Variants in NSUN4 observed in about 807,000 individuals in gnomAD.
NSUN4 encodes the protein NOP2/Sun RNA methyltransferase 4, also known as 5-cytosine rRNA methyltransferase NSUN4.
In NSUN4, 31 loss-of-function variants were observed where a neutral mutation model predicts 43.8. The observed-to-expected ratio is 0.71, with a 90% CI of 0.53 to 0.96. NSUN4 has a LOEUF of 0.96. NSUN4 is among the 40% of genes least tolerant of loss of function. NSUN4 has a pLI of 0.00. For missense variants in NSUN4, 439 were observed against 475.6 expected, an observed-to-expected ratio of 0.92 and a Z score of 0.72; for synonymous variants, 167 against 184.1, an observed-to-expected ratio of 0.91 and a Z score of 0.75.
intron 3 of NSUN4, 65 bp from the exon 4 acceptor site, chr1:46,352,803 T>C: frequency 6.6e-7 from 1 of 1,506,984 alleles, no homozygotes. Context: ...TCTGACTCCA[T>C]CAGCGCCATT....
chr1:46,382,892 G>A, the NSUN4 span, among the ~76,000 whole-genome samples: 1 of 152,214 alleles, frequency 6.6e-6, no homozygotes, highest in Non-Finnish European at 1.5e-5. Context: ...GTGAGCCACT[G>A]CACTGGGCCA....
At chr1:46,368,345 C>A (rs960944182), downstream of NSUN4, among the ~76,000 whole-genome samples, 1 of 152,154 alleles carries the variant, frequency 6.6e-6, no homozygotes, top group Non-Finnish European at 1.5e-5. Flanking sequence ...TGTTTCCCCA[C>A]CTCTTGAATC....
chr1:46,362,156 G>T lies in NSUN4; in HGVS notation c.*310G>T, dbSNP rs1319703735. 2 of 367,748 alleles carry T rather than the reference G, an allele frequency of 5.4e-6. No homozygotes were observed. The highest frequency in any genetic ancestry group is 1.0e-5 in the Non-Finnish European group (2 of 200,322). The allele number at this position is 367,748 out of a possible 1,614,324, so 22.8% of individuals were successfully genotyped here. A position where few individuals can be genotyped will look rare whatever the true frequency, so the allele number is the denominator to read the frequency against. On this transcript the variant is annotated 3_prime_UTR_variant, in exon 6 of 6. Coordinates refer to ENST00000474844, the MANE Select transcript of NSUN4 (RefSeq NM_199044.4). ...GGCTCACACTAAGTTGTAAACATAGGAGAAGCATTTGGCCAATAAAGTTGT... is the reference window on the plus strand; with the variant it reads ...GGCTCACACTAAGTTGTAAACATAGTAGAAGCATTTGGCCAATAAAGTTGT...
chr1:46,344,797 T>C lies in NSUN4; in HGVS notation c.94-4T>C. ...AACCAATAAGCCTGTCCTCTCTCTT[T>C]TAGGCTGCCACAGAGCCCAAATTCC... On this transcript the variant is annotated splice_region_variant and splice_polypyrimidine_tract_variant and intron_variant, in intron 1 of 5. Transcript: ENST00000474844. The C allele has an allele frequency of 6.2e-7, 1 of 1,612,218 alleles. No individual in the cohort carries two copies. Among genetic ancestry groups the C allele is most frequent in the Non-Finnish European group, 8.5e-7 (1 of 1,178,778 alleles).
intron 5 of NSUN4, among the ~76,000 whole-genome samples, chr1:46,361,273 G>A (rs920284789): frequency 6.6e-5 from 10 of 152,178 alleles, no homozygotes; most frequent in Non-Finnish European, 8.8e-5. Context: ...TTGAAAAATA[G>A]CTGCTAGAGT....
At chr1:46,351,659 CTTTTTTT>C (rs1190689943) in intron 3 of NSUN4, among the ~76,000 whole-genome samples, 3 of 88,892 alleles carry the variant, frequency 3.4e-5, no homozygotes, top group South Asian at 4.9e-4. Context: ...GACCCAGTCT[CTTTTTTT>C]TTTTTTTTTT....
chr1:46,340,831 C>T lies in NSUN4; in HGVS notation c.5C>T (p.Ala2Val), dbSNP rs367721145. 19 of 1,610,382 alleles carry T rather than the reference C, an allele frequency of 1.2e-5. No homozygotes were observed. The highest frequency in any genetic ancestry group is 2.7e-5 in the African/African-American group (2 of 74,820). MAALTLRGVREL... is the reference protein window; with the variant it reads MVALTLRGVREL... Reference sequence around the variant, plus strand: ...TACCCCGTGGAGCACGCCGATATGGCTGCGCTGACACTGAGGGGTGTCCGG... The same window carrying T: ...TACCCCGTGGAGCACGCCGATATGGTTGCGCTGACACTGAGGGGTGTCCGG... Residue 2 changes from alanine to valine, a missense_variant, in exon 1 of 6, where the codon GCT becomes GTT. By Grantham distance (64) the Ala-to-Val change is moderately conservative. Coordinates refer to ENST00000474844, the MANE Select transcript of NSUN4 (RefSeq NM_199044.4).
rs202074893 is a variant in NSUN4 at position 46,340,870 on chromosome 1, G to T, written c.44G>T (p.Arg15Leu). 1.2e-6 allele frequency: 2 copies of T among 1,613,570 alleles called. No homozygotes were observed. The highest frequency in any genetic ancestry group is 1.7e-6 in the Non-Finnish European group (2 of 1,179,808). ...AGGGGTGTCCGGGAGCTGCTGAAGC[G>T]TGTGGACCTCGCGACGGTCCCGCGG... ...TLRGVRELLK[R>L]VDLATVPRRH... The change falls in exon 1 of 6, where the codon CGT (arginine) becomes CTT (leucine). Residue 15 changes from arginine to leucine, a missense_variant. Arg to Leu is a moderately radical substitution (Grantham distance 102). Coordinates refer to ENST00000474844, the MANE Select transcript of NSUN4 (RefSeq NM_199044.4).
chr1:46,353,810 C>A (rs1179177502), intron 4 of NSUN4, among the ~76,000 whole-genome samples: 1 of 151,882 alleles, frequency 6.6e-6, no homozygotes, highest in Non-Finnish European at 1.5e-5. Context: ...CTATTCTGAA[C>A]TTTGTATTTT....
intron 4 of NSUN4, among the ~76,000 whole-genome samples, chr1:46,356,836 AC>A (rs370526351): frequency 9.2e-5 from 14 of 151,992 alleles, no homozygotes; most frequent in Non-Finnish European, 1.3e-4. Flanking sequence ...GAAGACACTA[AC>A]CCCCCCATGT....
chr1:46,360,730 A>G lies in NSUN4; in HGVS notation c.780A>G (p.Thr260=). 2 of 1,613,972 alleles carry G rather than the reference A, an allele frequency of 1.2e-6. No homozygotes were observed. Among genetic ancestry groups the G allele is most frequent in the Non-Finnish European group, 1.7e-6 (2 of 1,179,868 alleles). Residue 260 remains threonine, a synonymous_variant, in exon 5 of 6, where the codon ACA becomes ACG. Transcript: ENST00000474844. ...TGCTGGTGGATGTGCCCTGTACCAC[A>G]GACCGCCACTCCCTTCATGAGGAGG... The part of the protein sequence containing the change: ...DRVLVDVPCT[T]DRHSLHEEEN...
chr1:46,374,041 C>T, the NSUN4 span, among the ~76,000 whole-genome samples: 2 of 151,862 alleles, frequency 1.3e-5, no homozygotes, highest in Admixed American at 6.6e-5. Flanking sequence ...AATCCCAGCA[C>T]TTTGGAAGGC....
At chr1:46,360,459 G>T (rs1386178174) in intron 4 of NSUN4, among the ~76,000 whole-genome samples, 2 of 150,074 alleles carry the variant, frequency 1.3e-5, no homozygotes, top group Non-Finnish European at 1.5e-5. Context: ...AAAAATTATA[G>T]TTACTTGTGT....
Position 46,347,096 on chromosome 1 carries a change from G to C in NSUN4, c.592+21G>C, listed in dbSNP as rs532910572. ...TTGCCGTAAGTCAGGGTGCTGGTGT[G>C]TTGGGCAGAGAGAGCTCCCCACCTC... On this transcript the variant is annotated intron_variant, in intron 3 of 5. Coordinates refer to ENST00000474844, the MANE Select transcript of NSUN4 (RefSeq NM_199044.4). The C allele has an allele frequency of 2.3e-5, 37 of 1,609,270 alleles. 1 individual carries two copies. The South Asian group carries it at 3.8e-4, about 16-fold the overall frequency.
chr1:46,354,826 C>T lies in NSUN4; in HGVS notation c.753+1798C>T, dbSNP rs534842667. On this transcript the variant is annotated intron_variant, in intron 4 of 5. Coordinates refer to ENST00000474844, the MANE Select transcript of NSUN4 (RefSeq NM_199044.4). ...CTGGGATTACAGGTGTGTGCCACCA[C>T]GCCTGACTAATTTTGTATTTTTTTA... Among the ~76,000 whole-genome samples the T allele has an allele frequency of 2.4e-4, 35 of 146,420 alleles. No individual in the cohort carries two copies. In the South Asian group the frequency reaches 4.1e-3, roughly 17 times the overall value.
chr1:46,343,354 C>T (rs918522115), intron 1 of NSUN4: 16 of 399,974 alleles, frequency 4.0e-5, no homozygotes, highest in Middle Eastern at 6.2e-4. Flanking sequence ...CGAGTCCGGG[C>T]CTACCCTGAT....
chr1:46,365,344 T>C (rs1034567792), downstream of NSUN4, among the ~76,000 whole-genome samples: 4 of 152,084 alleles, frequency 2.6e-5, no homozygotes, highest in Non-Finnish European at 2.9e-5. Flanking sequence ...TTTTCTTTTC[T>C]TTTTTTATTT....
the NSUN4 span, among the ~76,000 whole-genome samples, chr1:46,381,290 G>A: frequency 1.3e-5 from 2 of 152,254 alleles, no homozygotes; most frequent in East Asian, 1.9e-4. Context: ...CTAGAGCACA[G>A]CATATAGTAG....
chr1:46,372,408 G>T, the NSUN4 span, among the ~76,000 whole-genome samples: 3 of 152,082 alleles, frequency 2.0e-5, no homozygotes, highest in Admixed American at 6.6e-5. Flanking sequence ...CTCCCAAAAT[G>T]CTGGGGTTAC....
Sources: gnomAD v4.1 joint callset for allele counts (sites outside exome capture counted in the v4.1 genomes callset) on GRCh38, gnomAD v4.1.1 for gene constraint, MANE v1.5 for transcripts, NCBI Gene and HGNC (gene_info 2026-07-23, HGNC 2026-07-21) for gene names.